Variants in ADPRHL1 observed in about 807,000 individuals in gnomAD.
ADPRHL1 encodes the protein inactive ADP-ribosyltransferase ARH2.
ADPRHL1 carries 43 observed loss-of-function variants against 44.1 expected under a neutral mutation model. That is an observed-to-expected ratio of 0.98 (90% CI 0.76 to 1.26). ADPRHL1 has a LOEUF of 1.26. Ranked by LOEUF, ADPRHL1 falls within the 50% of genes most tolerant of loss-of-function variation. The pLI, the probability that ADPRHL1 is intolerant of heterozygous loss-of-function variation, is 0.00. For synonymous variants in ADPRHL1, 878 were observed against 1,017.4 expected (o/e 0.86, Z 2.61); for missense variants, 2,022 against 2,496.9 (o/e 0.81, Z 4.05).
At chr13:113,445,450 C>A (rs1381524825) in intron 1 of ADPRHL1, among the ~76,000 whole-genome samples, 1 of 152,260 alleles carries the variant, frequency 6.6e-6, no homozygotes, top group Admixed American at 6.5e-5. Context: ...GGCGGATGCC[C>A]ACCAGGTGGG....
intron 1 of ADPRHL1, among the ~76,000 whole-genome samples, chr13:113,449,532 C>A (rs112675646): frequency 1.4e-5 from 2 of 148,068 alleles, no homozygotes; most frequent in African/African-American, 5.0e-5. Context: ...GAGGCTCACC[C>A]GGAAGGAGGG....
intron 7 of ADPRHL1, among the ~76,000 whole-genome samples, chr13:113,415,814 T>G (rs544334699): frequency 1.3e-5 from 2 of 151,820 alleles, no homozygotes; most frequent in Non-Finnish European, 2.9e-5. Flanking sequence ...GTAGTTTTTT[T>G]AAAATTGGTT....
In ADPRHL1 at chr13:113,405,131, T is replaced by C; in HGVS notation, c.4151A>G (p.Gln1384Arg). ...QADLGRQQSH[Q>R]AQEETPQPGD... ...GGGCTGGGGGGTCTCCTCCTGTGCC[T>C]GGTGACTCTGTTGCCTCCCCAGGTC... The change falls in exon 8 of 8, where the codon CAG becomes CGG. Residue 1384 changes from glutamine to arginine, a missense_variant. By Grantham distance (43) the Gln-to-Arg change is conservative (BLOSUM62 1). Coordinates refer to ENST00000612156, the MANE Select transcript of ADPRHL1 (RefSeq NM_001394807.1). 8.1e-7 allele frequency: 1 copy of C among 1,232,208 alleles called. No individual in the cohort carries two copies. The highest frequency in any genetic ancestry group is 1.0e-6 in the Non-Finnish European group (1 of 988,312). The allele number at this position is 1,232,208 out of a possible 1,614,324, so 76.3% of individuals were successfully genotyped here.
chr13:113,430,120 G>C (rs9604105), intron 3 of ADPRHL1, among the ~76,000 whole-genome samples: 1 of 152,200 alleles, frequency 6.6e-6, no homozygotes, highest in Non-Finnish European at 1.5e-5. Flanking sequence ...GCAGCTCTCA[G>C]GGAACATGGC....
At chr13:113,431,723 A>T (rs1566475986) in intron 3 of ADPRHL1, among the ~76,000 whole-genome samples, 1 of 151,048 alleles carries the variant, frequency 6.6e-6, no homozygotes. Flanking sequence ...ATGTGAAATA[A>T]TTTTTTTTTT....
At chr13:113,413,848 T>A (rs557724950) in intron 7 of ADPRHL1, among the ~76,000 whole-genome samples, 1 of 152,248 alleles carries the variant, frequency 6.6e-6, no homozygotes, top group East Asian at 1.9e-4. Context: ...CAGGGGCCAA[T>A]ATAAACAGCA....
Position 113,405,493 on chromosome 13 carries a change from A to ATC in ADPRHL1, c.3788_3789insGA (p.Ile1263MetfsTer66). On this transcript the variant is annotated frameshift_variant, in exon 8 of 8. Transcript: ENST00000612156. LOFTEE classifies it low-confidence loss of function (END_TRUNC). ...GTGGCCTAGGATGATCAGAAGCAGG[A>ATC]ATTCCAGACTCTGTGCTGAAACCCA... 8.1e-7 allele frequency: 1 copy of ATC among 1,231,932 alleles called. No individual in the cohort carries two copies. The allele number at this position is 1,231,932 out of a possible 1,614,324, so 76.3% of individuals were successfully genotyped here. A position where few individuals can be genotyped will look rare whatever the true frequency, so the allele number is the denominator to read the frequency against.
Position 113,449,035 on chromosome 13 carries a change from G to A in ADPRHL1, c.214+4189C>T, listed in dbSNP as rs147716232. ...TTGCCAAGTGACTTGGTGATAATGC[G>A]CTGGCAACATGGGCTTGTCGTTTCA... On this transcript the variant is annotated intron_variant, in intron 1 of 7. Coordinates refer to ENST00000612156, the MANE Select transcript of ADPRHL1 (RefSeq NM_001394807.1). The A allele has an allele frequency of 1.1e-5, 11 of 986,884 alleles. No homozygotes were observed. The East Asian group carries it at 1.1e-3, about 102-fold the overall frequency. 61.1% of individuals were successfully genotyped at this position (986,884 alleles called of 1,614,324 possible). A position where few individuals can be genotyped will look rare whatever the true frequency, so the allele number is the denominator to read the frequency against.
At chr13:113,440,001 A>G (rs1037345320) in intron 2 of ADPRHL1, among the ~76,000 whole-genome samples, 2 of 152,130 alleles carry the variant, frequency 1.3e-5, no homozygotes, top group African/African-American at 2.4e-5. Context: ...AGGATTCTCA[A>G]TTGTTTTGAT....
intron 1 of ADPRHL1, among the ~76,000 whole-genome samples, chr13:113,445,467 G>A (rs910722460): frequency 2.0e-5 from 3 of 152,234 alleles, no homozygotes; most frequent in African/African-American, 7.2e-5. Context: ...TGGGGCCGGC[G>A]AGGGCGCCCC....
chr13:113,424,291 A>G lies in ADPRHL1; in HGVS notation c.833T>C (p.Met278Thr). The stretch of plus-strand genomic sequence containing the variant: ...TGCAAGGAGGGCGTCATAGGCTATC[A>G]TGGGGGCATCGTGGCCTCGTCTTCC... ...RGGRRGHDAP[M>T]IAYDALLAAG... is the part of the protein sequence containing the mutation. The change falls in exon 6 of 8, where the codon ATG (methionine) becomes ACG (threonine). Residue 278 changes from methionine to threonine, a missense_variant. Physicochemically the swap from Met to Thr is moderately conservative, Grantham distance 81. Coordinates refer to ENST00000612156, the MANE Select transcript of ADPRHL1 (RefSeq NM_001394807.1). The G allele has an allele frequency of 1.2e-6, 2 of 1,612,882 alleles. No individual in the cohort carries two copies. The highest frequency in any genetic ancestry group is 1.7e-6 in the Non-Finnish European group (2 of 1,179,908).
At chr13:113,433,113 C>T (rs889049623) in intron 3 of ADPRHL1, among the ~76,000 whole-genome samples, 1 of 152,204 alleles carries the variant, frequency 6.6e-6, no homozygotes, top group African/African-American at 2.4e-5. Context: ...ACCCGCTTCA[C>T]CCTCACACAG....
At chr13:113,426,413 A>G (rs936953544) in intron 4 of ADPRHL1, among the ~76,000 whole-genome samples, 8 of 152,342 alleles carry the variant, frequency 5.3e-5, no homozygotes, top group Non-Finnish European at 1.0e-4. Context: ...TGCCGATCAC[A>G]TGAGGTGACA....
chr13:113,414,399 T>C, intron 7 of ADPRHL1, among the ~76,000 whole-genome samples: 1 of 150,568 alleles, frequency 6.6e-6, no homozygotes, highest in African/African-American at 2.4e-5. Flanking sequence ...TTCCTCCCCT[T>C]GGCAGATTGG....
At chr13:113,432,349 A>G (rs1023366774) in intron 3 of ADPRHL1, among the ~76,000 whole-genome samples, 1 of 152,128 alleles carries the variant, frequency 6.6e-6, no homozygotes, top group African/African-American at 2.4e-5. Context: ...TCCTGGGCTC[A>G]AGTGATCCTC....
At chr13:113,432,315 G>A (rs945436778) in intron 3 of ADPRHL1, among the ~76,000 whole-genome samples, 4 of 151,510 alleles carry the variant, frequency 2.6e-5, no homozygotes, top group African/African-American at 9.7e-5. Context: ...GAGTCTCCCC[G>A]TGTTGCCCAG....
At position 113,435,234 on chromosome 13, in the gene ADPRHL1, G is replaced by T. The variant is rs1167193481; in HGVS notation, c.380-1367C>A. On this transcript the variant is annotated intron_variant, in intron 2 of 7. Coordinates refer to ENST00000612156, the MANE Select transcript of ADPRHL1 (RefSeq NM_001394807.1). ...GTGTACCCCGGGACCCAGCACCCAG[G>T]TGTAGAGTGAACACAGGTGTACCCC... Among the ~76,000 whole-genome samples the T allele has an allele frequency of 7.9e-4, 12 of 15,192 alleles. 1 individual carries two copies. The highest frequency in any genetic ancestry group is 1.1e-3 in the African/African-American group (7 of 6,168). The allele number at this position is 15,192 out of a possible 152,430, so 10.0% of individuals were successfully genotyped here.
chr13:113,413,474 A>AG (rs1157863301), intron 7 of ADPRHL1, among the ~76,000 whole-genome samples: 5 of 152,184 alleles, frequency 3.3e-5, no homozygotes, highest in Non-Finnish European at 5.9e-5. Flanking sequence ...ATGGACTGAG[A>AG]GGGGGGCCCA....
chr13:113,434,335 C>T (rs566758522), intron 2 of ADPRHL1, among the ~76,000 whole-genome samples: 28 of 150,096 alleles, frequency 1.9e-4, no homozygotes, highest in East Asian at 1.8e-3. Context: ...AGGTGTACCC[C>T]GTGACCCAGC....
Sources: allele counts gnomAD v4.1 joint callset (sites outside exome capture counted in the v4.1 genomes callset), GRCh38; gene constraint gnomAD v4.1.1; transcripts MANE v1.5; gene names NCBI Gene and HGNC (gene_info 2026-07-23, HGNC 2026-07-21).